Variants in CSMD2 observed in about 807,000 individuals in gnomAD.
The protein encoded by CSMD2 is CUB and sushi domain-containing protein 2.
CSMD2 carries 130 observed loss-of-function variants against 398.5 expected under a neutral mutation model. The ratio of observed to expected loss-of-function variants is 0.33; its 90% CI spans 0.28 to 0.38. The LOEUF (loss-of-function observed/expected upper bound fraction) is 0.38, where lower values mean the gene tolerates loss of function less well. CSMD2 is among the 10% of genes least tolerant of loss of function. The pLI is 1.00. For missense variants in CSMD2, 3,829 were observed against 4,764.9 expected (o/e 0.80, Z 5.78); for synonymous variants, 1,828 against 1,908.5 (o/e 0.96, Z 1.10).
At chr1:33,592,238 T>C (rs1312594280) in intron 44 of CSMD2, 2 of 629,538 alleles carry the variant, frequency 3.2e-6, no homozygotes, top group Non-Finnish European at 5.7e-6. Context: ...GCACATAGGA[T>C]TGTTCTACTT....
chr1:34,130,724 T>C (rs1192201913), intron 1 of CSMD2, among the ~76,000 whole-genome samples: 3 of 152,128 alleles, frequency 2.0e-5, no homozygotes, highest in African/African-American at 7.2e-5. Flanking sequence ...CTGCGCTCAA[T>C]GCCTTCCCTG....
intron 1 of CSMD2, among the ~76,000 whole-genome samples, chr1:34,134,775 C>G (rs545798091): frequency 1.3e-5 from 2 of 152,086 alleles, no homozygotes; most frequent in African/African-American, 2.4e-5. Flanking sequence ...GGTGCATAAA[C>G]AGATAGTTTT....
intron 6 of CSMD2, among the ~76,000 whole-genome samples, chr1:33,829,952 G>A (rs1347912885): frequency 2.0e-5 from 3 of 152,358 alleles, no homozygotes; most frequent in African/African-American, 4.8e-5. Flanking sequence ...AGCAAGGCGG[G>A]GGGAGGGGCG....
chr1:34,085,281 A>G (rs756842984), intron 2 of CSMD2, among the ~76,000 whole-genome samples: 5 of 152,076 alleles, frequency 3.3e-5, no homozygotes, highest in African/African-American at 1.2e-4. Flanking sequence ...CCTAATGCTA[A>G]ATGACGAGTT....
rs1019201429 is a variant in CSMD2 at position 34,096,333 on chromosome 1, C to G, written c.188-7140G>C. On this transcript the variant is annotated intron_variant, in intron 1 of 70. Transcript: ENST00000373381. ...TGAATGGGCAAAAACTGGAAGCATT[C>G]CCTTTGAAAACTGGCACAAGACAGG... 4.6e-5 allele frequency among the ~76,000 whole-genome samples: 7 copies of G among 151,998 alleles called. No homozygotes were observed. In the South Asian group the frequency reaches 1.2e-3, roughly 27 times the overall value.
intron 5 of CSMD2, among the ~76,000 whole-genome samples, chr1:33,853,346 C>A (rs1458305998): frequency 6.6e-6 from 1 of 152,236 alleles, no homozygotes. Flanking sequence ...CCATCCCCCT[C>A]CCCTCATGTA....
At chr1:33,837,146 T>C (rs1660378006) in intron 6 of CSMD2, among the ~76,000 whole-genome samples, 1 of 152,062 alleles carries the variant, frequency 6.6e-6, no homozygotes, top group Non-Finnish European at 1.5e-5. Context: ...GGTGGGGTGA[T>C]GAGTGATCAT....
chr1:33,826,868 C>T (rs1407357195), intron 6 of CSMD2, among the ~76,000 whole-genome samples: 6 of 152,180 alleles, frequency 3.9e-5, no homozygotes, highest in South Asian at 2.1e-4. Context: ...CAGCTGGCCC[C>T]GCCTGCTGAC....
rs187966774 is a variant in CSMD2, at chr1:33,615,139, G to A, written c.6017-519C>T. 4.3e-4 allele frequency among the ~76,000 whole-genome samples: 66 copies of A among 152,122 alleles called. 1 individual carries two copies. Among genetic ancestry groups the A allele is most frequent in the Non-Finnish European group, 1.5e-5 (1 of 68,028 alleles). On this transcript the variant is annotated intron_variant, in intron 39 of 70. Coordinates refer to ENST00000373381, the MANE Select transcript of CSMD2 (RefSeq NM_001281956.2). ...GTGGGCGGCAGGGGAGGCTCACCAC[G>A]AGCCCATCCTCAGAAAAGTGACGGT...
chr1:33,787,187 C>T (rs1328914841), intron 12 of CSMD2, among the ~76,000 whole-genome samples: 2 of 152,214 alleles, frequency 1.3e-5, no homozygotes, highest in African/African-American at 4.8e-5. Context: ...GAGGATTCTA[C>T]CCATAGTGGG....
chr1:33,754,679 T>G (rs1458065096), intron 13 of CSMD2, among the ~76,000 whole-genome samples: 1 of 152,110 alleles, frequency 6.6e-6, no homozygotes, highest in African/African-American at 2.4e-5. Flanking sequence ...AAAATACATT[T>G]CTCACTGTTA....
chr1:34,153,883 T>G (rs1571285194), intron 1 of CSMD2, among the ~76,000 whole-genome samples: 1 of 152,120 alleles, frequency 6.6e-6, no homozygotes, highest in Non-Finnish European at 1.5e-5. Context: ...CCAAAAACAC[T>G]GATGGATCTG....
intron 25 of CSMD2, among the ~76,000 whole-genome samples, chr1:33,683,488 A>G (rs577921472): frequency 2.6e-5 from 4 of 152,336 alleles, no homozygotes; most frequent in Admixed American, 6.5e-5. Context: ...AGTGTGGTCA[A>G]CCCACAGGGA....
chr1:33,683,634 G>A (rs949860482), intron 25 of CSMD2, among the ~76,000 whole-genome samples: 4 of 152,318 alleles, frequency 2.6e-5, no homozygotes, highest in East Asian at 3.9e-4. Flanking sequence ...TTAGATTATC[G>A]TATGAGGATA....
At chr1:33,600,700 A>G in intron 44 of CSMD2, 165 bp downstream of exon 44, 2 of 678,480 alleles carry the variant, frequency 2.9e-6, no homozygotes, top group South Asian at 3.8e-5. Flanking sequence ...GAGCTCTCAC[A>G]TAGGCTAATA....
intron 43 of CSMD2, among the ~76,000 whole-genome samples, chr1:33,601,500 C>T (rs900660104): frequency 6.6e-6 from 1 of 152,214 alleles, no homozygotes; most frequent in Non-Finnish European, 1.5e-5. Flanking sequence ...CTAGCCATTG[C>T]TTGGAAATCA....
intron 12 of CSMD2, among the ~76,000 whole-genome samples, chr1:33,781,679 G>A (rs139391039): frequency 4.6e-5 from 7 of 152,192 alleles, no homozygotes; most frequent in Non-Finnish European, 8.8e-5. Context: ...AGGAAGCAAG[G>A]AGACTTCCAG....
intron 3 of CSMD2, among the ~76,000 whole-genome samples, chr1:33,959,666 AC>A (rs572971184): frequency 2.6e-5 from 4 of 152,054 alleles, no homozygotes; most frequent in African/African-American, 9.6e-5. Context: ...GGCTCCTCAC[AC>A]CTGCCAAACT....
At chr1:33,901,243 C>G (rs1642737699) in intron 5 of CSMD2, among the ~76,000 whole-genome samples, 1 of 152,238 alleles carries the variant, frequency 6.6e-6, no homozygotes, top group South Asian at 2.1e-4. Flanking sequence ...TGCCAAAGGG[C>G]TCTGACACCA....
Sources: gnomAD v4.1 joint callset for allele counts (sites outside exome capture counted in the v4.1 genomes callset) on GRCh38, gnomAD v4.1.1 for gene constraint, MANE v1.5 for transcripts, NCBI Gene and HGNC (gene_info 2026-07-23, HGNC 2026-07-21) for gene names.